DSCAM: variants seen among roughly 807,000 people sequenced by gnomAD.
The protein encoded by DSCAM is DS cell adhesion molecule.
DSCAM carries 47 observed loss-of-function variants against 217.7 expected under a neutral mutation model. That is an observed-to-expected ratio of 0.22 (90% CI 0.17 to 0.28). The LOEUF (loss-of-function observed/expected upper bound fraction) is 0.28. Among genes scored for constraint, DSCAM ranks in the 10% least tolerant of loss-of-function variants. The probability of loss-of-function intolerance (pLI) is 1.00; values close to 1 mark genes in which losing one functional copy is unlikely to be tolerated. For missense variants in DSCAM, 2,080 were observed against 2,618.3 expected, an observed-to-expected ratio of 0.79 and a Z score of 4.49; for synonymous variants, 1,056 against 1,015.3, an observed-to-expected ratio of 1.04 and a Z score of -0.76.
intron 8 of DSCAM, among the ~76,000 whole-genome samples, chr21:40,326,897 A>T (rs977698278): frequency 9.3e-5 from 14 of 150,134 alleles, no homozygotes; most frequent in African/African-American, 3.4e-4. Flanking sequence ...ATATATATGT[A>T]CTTATATATA....
At chr21:40,734,498 A>C (rs1039119882) in intron 1 of DSCAM, among the ~76,000 whole-genome samples, 6 of 152,224 alleles carry the variant, frequency 3.9e-5, no homozygotes, top group African/African-American at 1.4e-4. Context: ...CAGAGCTTAG[A>C]GTCAAGCCAT....
chr21:40,357,301 T>C (rs1271789347), intron 4 of DSCAM, among the ~76,000 whole-genome samples: 1 of 152,182 alleles, frequency 6.6e-6, no homozygotes, highest in East Asian at 1.9e-4. Context: ...GACTGAATAA[T>C]TAAGTGGAGA....
At chr21:40,093,671 AAAACAG>A in intron 21 of DSCAM, 44 bp downstream of exon 21, 1 of 1,604,918 alleles carries the variant, frequency 6.2e-7, no homozygotes, top group Non-Finnish European at 8.5e-7. Flanking sequence ...TAGAGACTTA[AAAACAG>A]TCAAGTTACA....
intron 1 of DSCAM, among the ~76,000 whole-genome samples, chr21:40,710,610 A>C (rs1182618642): frequency 6.6e-6 from 1 of 152,166 alleles, no homozygotes; most frequent in African/African-American, 2.4e-5. Flanking sequence ...CTACAAGTAA[A>C]TATCATCAAA....
intron 20 of DSCAM, among the ~76,000 whole-genome samples, chr21:40,121,975 G>C (rs397565): frequency 6.6e-6 from 1 of 151,936 alleles, no homozygotes; most frequent in Non-Finnish European, 1.5e-5. Context: ...ACAGGCGTGA[G>C]CCACCGTGCC....
chr21:40,300,603 C>A (rs1431173642), intron 9 of DSCAM, among the ~76,000 whole-genome samples: 1 of 152,198 alleles, frequency 6.6e-6, no homozygotes, highest in Non-Finnish European at 1.5e-5. Flanking sequence ...ACTGGTGCAA[C>A]CTTGACATGT....
At chr21:40,348,557 C>G (rs967350877) in intron 5 of DSCAM, among the ~76,000 whole-genome samples, 1 of 152,104 alleles carries the variant, frequency 6.6e-6, no homozygotes, top group Non-Finnish European at 1.5e-5. Context: ...TGCAATCATA[C>G]TCCTAACAGT....
intron 3 of DSCAM, among the ~76,000 whole-genome samples, chr21:40,638,236 G>T (rs1042334896): frequency 3.9e-5 from 6 of 152,180 alleles, no homozygotes; most frequent in African/African-American, 1.4e-4. Context: ...TACGTCAGGT[G>T]TTGACTACCC....
intron 3 of DSCAM, among the ~76,000 whole-genome samples, chr21:40,640,086 C>T (rs146969500): frequency 3.4e-5 from 5 of 149,036 alleles, no homozygotes; most frequent in East Asian, 3.9e-4. Flanking sequence ...AGAATAAGGA[C>T]GCAAAGCAGG....
chr21:40,022,820 A>G (rs1478815702), intron 32 of DSCAM, among the ~76,000 whole-genome samples: 7 of 152,194 alleles, frequency 4.6e-5, no homozygotes, highest in African/African-American at 1.7e-4. Flanking sequence ...ATTAGCAACA[A>G]GTAATATTTA....
At chr21:40,341,001 C>T (rs141266459) in intron 6 of DSCAM, among the ~76,000 whole-genome samples, 11 of 152,266 alleles carry the variant, frequency 7.2e-5, no homozygotes, top group African/African-American at 2.6e-4. Flanking sequence ...TTTCCAAATT[C>T]CTGAATCTCA....
chr21:40,765,343 C>A (rs1165680916), intron 1 of DSCAM, among the ~76,000 whole-genome samples: 2 of 148,802 alleles, frequency 1.3e-5, no homozygotes, highest in Non-Finnish European at 3.0e-5. Flanking sequence ...CTGGAGGAGG[C>A]ACTTCCTCCT....
chr21:40,583,005 C>G (rs2076917242), intron 3 of DSCAM, among the ~76,000 whole-genome samples: 2 of 151,786 alleles, frequency 1.3e-5, no homozygotes, highest in African/African-American at 4.8e-5. Context: ...ATTAAACTTA[C>G]CAAAAAATTT....
chr21:40,276,594 C>T (rs1477033046), intron 10 of DSCAM, among the ~76,000 whole-genome samples: 2 of 152,170 alleles, frequency 1.3e-5, no homozygotes, highest in African/African-American at 4.8e-5. Flanking sequence ...AGAACAACCA[C>T]AGAAGCAGAC....
In DSCAM at chr21:40,339,240, C is replaced by T. The variant is rs764317292; in HGVS notation, c.1386G>A (p.Glu462=). 6.2e-7 allele frequency: 1 copy of T among 1,614,182 alleles called. No individual in the cohort carries two copies. Among genetic ancestry groups the T allele is most frequent in the Non-Finnish European group, 8.5e-7 (1 of 1,180,030 alleles). The stretch of plus-strand genomic sequence containing the variant: ...TGTTCAGGTAGCTGACCACGTTCCC[C>T]TCCGACGTGATCATCTGGCTGATGC... ...SHRISQMITS[E]GNVVSYLNIS... The change falls in exon 7 of 33, where the codon GAG becomes GAA. Residue 462 remains glutamate, a synonymous_variant. Transcript: ENST00000400454.
chr21:40,065,159 G>T (rs1218069452), intron 27 of DSCAM, among the ~76,000 whole-genome samples: 1 of 152,108 alleles, frequency 6.6e-6, no homozygotes, highest in African/African-American at 2.4e-5. Context: ...GGCAAGATTT[G>T]GGATATGCAG....
chr21:40,763,368 T>C (rs532376586), intron 1 of DSCAM, among the ~76,000 whole-genome samples: 71 of 152,130 alleles, frequency 4.7e-4, no homozygotes, highest in Middle Eastern at 3.4e-3. Context: ...ATAAAATACC[T>C]GGAATTACAA....
chr21:40,193,735 G>A (rs2090978352), intron 11 of DSCAM, among the ~76,000 whole-genome samples: 1 of 152,198 alleles, frequency 6.6e-6, no homozygotes. Flanking sequence ...TGCAGTGTTT[G>A]TAAAAAGGAA....
At chr21:40,456,511 C>T (rs998114226) in intron 3 of DSCAM, among the ~76,000 whole-genome samples, 21 of 151,978 alleles carry the variant, frequency 1.4e-4, no homozygotes, top group African/African-American at 4.8e-4. Flanking sequence ...GCTGTAAAAT[C>T]TTCCTGACAA....
Sources: allele counts gnomAD v4.1 joint callset (sites outside exome capture counted in the v4.1 genomes callset), GRCh38; gene constraint gnomAD v4.1.1; transcripts MANE v1.5; gene names NCBI Gene and HGNC (gene_info 2026-07-23, HGNC 2026-07-21).